The following DNAI7 variants were observed in gnomAD, a reference collection of about 807,000 sequenced individuals.
DNAI7 encodes dynein axonemal intermediate chain 7, also known as cancer susceptibility 1.
Under a neutral mutation model 86.6 loss-of-function variants are expected in DNAI7, and 78 were observed. The observed-to-expected ratio is 0.90, with a 90% CI of 0.75 to 1.09. The LOEUF is 1.09. Ranked by LOEUF, DNAI7 falls within the 50% of genes least tolerant of loss-of-function variation. The pLI is 0.00. For synonymous variants in DNAI7, 274 were observed against 273.0 expected (o/e 1.00, Z -0.04); for missense variants, 753 against 810.2 (o/e 0.93, Z 0.86).
chr12:25,142,441 A>G (rs962748549), intron 9 of DNAI7, among the ~76,000 whole-genome samples: 1 of 152,096 alleles, frequency 6.6e-6, no homozygotes, highest in Non-Finnish European at 1.5e-5. Flanking sequence ...AATCACCACT[A>G]AAGAACTTAT....
chr12:25,161,872 A>T (rs7303373), intron 2 of DNAI7, among the ~76,000 whole-genome samples: 28,282 of 152,100 alleles, frequency 0.19, 2,747 homozygotes, highest in Middle Eastern at 0.24. Flanking sequence ...CCTATGCTAA[A>T]GAGTTTGGAC....
At chr12:25,108,004 G>C (rs373269969), downstream of DNAI7, 24 of 1,614,132 alleles carry the variant, frequency 1.5e-5, no homozygotes, top group Non-Finnish European at 2.0e-5. Flanking sequence ...GACGTCTCTA[G>C]AACATATCTT....
chr12:25,108,801 G>T lies in DNAI7; in HGVS notation c.1916C>A (p.Ala639Glu), dbSNP rs859146. The T allele has an allele frequency of 1, 1,286,904 of 1,287,358 alleles. 643,234 individuals are homozygous for T. Among genetic ancestry groups the T allele is most frequent in the East Asian group, 1 (42,276 of 42,276 alleles). 79.7% of individuals were successfully genotyped at this position (1,287,358 alleles called of 1,614,324 possible). Residue 639 changes from alanine (A) to glutamate (E), a missense_variant, in exon 16 of 16, where the codon GCA (alanine) becomes GAA (glutamate). Coordinates refer to ENST00000395987, the MANE Select transcript of DNAI7 (RefSeq NM_018272.5). ...GGCCCAATTAGGATTCTCAGTACAT[G>T]CTTCAGTAAGGTGTTCCCTCACCTA... is the stretch of plus-strand genomic sequence containing the variant. ...VFKVREHLTE[A>E]CTENPNWALL...
chr12:25,124,992 T>C (rs1308287875), intron 9 of DNAI7, among the ~76,000 whole-genome samples: 1 of 152,174 alleles, frequency 6.6e-6, no homozygotes, highest in Non-Finnish European at 1.5e-5. Flanking sequence ...ATGGTGGGTA[T>C]GTACATTTTC....
intron 9 of DNAI7, among the ~76,000 whole-genome samples, chr12:25,139,245 G>A (rs1943912388): frequency 6.6e-6 from 1 of 151,836 alleles, no homozygotes; most frequent in Non-Finnish European, 1.5e-5. Flanking sequence ...AAAAAGTCCA[G>A]AACCAGATGG....
rs7977906 is a variant in DNAI7 at position 25,121,725 on chromosome 12, A to G, written c.1239+28T>C. On this transcript the variant is annotated intron_variant, in intron 11 of 15. Transcript: ENST00000395987. The stretch of plus-strand genomic sequence containing the variant: ...AAAAGCGTGAGCAATTATTTTACTT[A>G]TAAGTTTTGATTCAAGAATCAACCT... The G allele has an allele frequency of 2.7e-4, 419 of 1,564,176 alleles. 3 individuals carry two copies. In the African/African-American group the frequency reaches 5.2e-3, roughly 19 times the overall value.
At chr12:25,164,084 C>T (rs930412165) in intron 2 of DNAI7, among the ~76,000 whole-genome samples, 25 of 152,178 alleles carry the variant, frequency 1.6e-4, no homozygotes, top group African/African-American at 4.1e-4. Flanking sequence ...CGGCAAGTAC[C>T]GCTTTTCTGG....
Position 25,174,604 on chromosome 12 carries a change from G to C in DNAI7, c.22-13407C>G, listed in dbSNP as rs867240096. 1.3e-4 allele frequency among the ~76,000 whole-genome samples: 13 copies of C among 96,548 alleles called. 3 individuals are homozygous for C. The East Asian group carries it at 2.3e-3, about 17-fold the overall frequency. The allele number at this position is 96,548 out of a possible 152,430, so 63.3% of individuals were successfully genotyped here. A position where few individuals can be genotyped will look rare whatever the true frequency, so the allele number is the denominator to read the frequency against. Reference sequence around the variant, plus strand: ...TATCATATATATGGGATATATATATGATATATATATCATATATATGGGATA... The same window carrying C: ...TATCATATATATGGGATATATATATCATATATATATCATATATATGGGATA... On this transcript the variant is annotated intron_variant, in intron 2 of 15. Transcript: ENST00000395987.
intron 1 of DNAI7, among the ~76,000 whole-genome samples, chr12:25,191,393 C>G (rs992830428): frequency 2.0e-5 from 3 of 151,792 alleles, no homozygotes; most frequent in African/African-American, 7.3e-5. Flanking sequence ...GACCGCATTT[C>G]CAAAAAATGA....
downstream of DNAI7, chr12:25,107,138 C>T (rs142506527): frequency 1.4e-5 from 8 of 569,200 alleles, no homozygotes; most frequent in African/African-American, 1.4e-4. Context: ...AATCAAATTA[C>T]TAAAAGACAT....
At chr12:25,132,088 A>G (rs973925553) in intron 9 of DNAI7, among the ~76,000 whole-genome samples, 1 of 152,048 alleles carries the variant, frequency 6.6e-6, no homozygotes, top group African/African-American at 2.4e-5. Flanking sequence ...GAGGAAGGGA[A>G]TTTCACCTCA....
rs757792040 is a variant in DNAI7 at position 25,154,311 on chromosome 12, A to G, written c.438+8T>C. Reference sequence around the variant, plus strand: ...AGCCAGTTTATAGGAAAATGCATAAATACCTACATTTAGCACTACTTTACT... The same window carrying G: ...AGCCAGTTTATAGGAAAATGCATAAGTACCTACATTTAGCACTACTTTACT... On this transcript the variant is annotated splice_region_variant and intron_variant, in intron 6 of 15. Coordinates refer to ENST00000395987, the MANE Select transcript of DNAI7 (RefSeq NM_018272.5). The G allele has an allele frequency of 3.8e-6, 6 of 1,584,234 alleles. No individual in the cohort carries two copies. Among genetic ancestry groups the G allele is most frequent in the Non-Finnish European group, 5.1e-6 (6 of 1,172,834 alleles).
intron 13 of DNAI7, among the ~76,000 whole-genome samples, chr12:25,112,588 A>C (rs190134828): frequency 6.6e-6 from 1 of 151,578 alleles, no homozygotes; most frequent in Non-Finnish European, 1.5e-5. Context: ...TTGTATTTTT[A>C]GTAGAGACAG....
At chr12:25,169,610 G>C (rs981478375) in intron 2 of DNAI7, among the ~76,000 whole-genome samples, 3 of 152,318 alleles carry the variant, frequency 2.0e-5, no homozygotes, top group East Asian at 1.9e-4. Flanking sequence ...CACTTTGGGA[G>C]GCCAAGGCAG....
chr12:25,158,668 T>C, intron 3 of DNAI7, 105 bp from the exon 4 acceptor site: 3 of 1,508,012 alleles, frequency 2.0e-6, no homozygotes, highest in Non-Finnish European at 2.6e-6. Flanking sequence ...GAATCTTTTA[T>C]AGAAGTCACA....
At chr12:25,126,056 G>T (rs1324031278) in intron 9 of DNAI7, among the ~76,000 whole-genome samples, 1 of 152,050 alleles carries the variant, frequency 6.6e-6, no homozygotes, top group Non-Finnish European at 1.5e-5. Flanking sequence ...ATGCTTCCAG[G>T]TTTGTTGAAC....
At chr12:25,136,672 G>A (rs954968358) in intron 9 of DNAI7, among the ~76,000 whole-genome samples, 9 of 151,942 alleles carry the variant, frequency 5.9e-5, no homozygotes, top group Non-Finnish European at 1.0e-4. Context: ...TGATACAGGC[G>A]ATGGATAAAA....
chr12:25,160,889 G>C (rs1353407753), intron 3 of DNAI7, among the ~76,000 whole-genome samples: 1 of 151,950 alleles, frequency 6.6e-6, no homozygotes, highest in Non-Finnish European at 1.5e-5. Context: ...ATTTAACTGG[G>C]CTCTTGTATT....
intron 9 of DNAI7, among the ~76,000 whole-genome samples, chr12:25,141,361 C>A (rs1944164802): frequency 6.6e-6 from 1 of 152,142 alleles, no homozygotes; most frequent in African/African-American, 2.4e-5. Context: ...GGAACTCAAA[C>A]AAATCAGCAA....
Sources: allele counts gnomAD v4.1 joint callset (sites outside exome capture counted in the v4.1 genomes callset), GRCh38; gene constraint gnomAD v4.1.1; transcripts MANE v1.5; gene names NCBI Gene and HGNC (gene_info 2026-07-23, HGNC 2026-07-21).